Variants in GHR observed in about 807,000 individuals in gnomAD.
The protein encoded by GHR is GH receptor.
A neutral mutation model predicts 67.1 loss-of-function variants in GHR; 35 were observed. The observed-to-expected ratio is 0.52, with a 90% CI of 0.40 to 0.69. The LOEUF is 0.69. GHR is among the 30% of genes least tolerant of loss of function. GHR has a pLI of 0.00. For missense variants in GHR, 792 were observed against 764.6 expected (o/e 1.04, Z -0.42); for synonymous variants, 272 against 269.1 (o/e 1.01, Z -0.10).
At chr5:42,702,621 A>G (rs1239421510) in intron 6 of GHR, among the ~76,000 whole-genome samples, 1 of 152,050 alleles carries the variant, frequency 6.6e-6, no homozygotes, top group Admixed American at 6.6e-5. Flanking sequence ...GAAGCTTCAT[A>G]TTATTTTCCA....
intron 2 of GHR, among the ~76,000 whole-genome samples, chr5:42,616,749 G>A (rs1753175232): frequency 6.6e-6 from 1 of 151,920 alleles, no homozygotes; most frequent in Non-Finnish European, 1.5e-5. Flanking sequence ...GTCGGGCAGA[G>A]GAAAAGAAGC....
Position 42,565,216 on chromosome 5 carries a change from G to T in GHR, c.-11-648G>T, listed in dbSNP as rs572050260. On this transcript the variant is annotated intron_variant, in intron 1 of 9. Transcript: ENST00000230882. ...GGTGTTCACATTCCTGGGTCTTTCA[G>T]ATCTGTATTCCTCATGAAAATAAAA... 2.0e-3 allele frequency among the ~76,000 whole-genome samples: 307 copies of T among 152,282 alleles called. 1 individual carries two copies. The highest frequency in any genetic ancestry group is 3.5e-3 in the Non-Finnish European group (240 of 68,020).
chr5:42,480,988 G>T (rs571150491), intron 1 of GHR, among the ~76,000 whole-genome samples: 1 of 152,162 alleles, frequency 6.6e-6, no homozygotes, highest in African/African-American at 2.4e-5. Context: ...AGCCTTGATG[G>T]TCTTTACAAT....
chr5:42,620,645 T>C (rs1753394495), intron 2 of GHR, among the ~76,000 whole-genome samples: 1 of 152,194 alleles, frequency 6.6e-6, no homozygotes, highest in African/African-American at 2.4e-5. Flanking sequence ...GTAGGAATTC[T>C]TCATTTGTTG....
intron 1 of GHR, among the ~76,000 whole-genome samples, chr5:42,480,495 T>C (rs1486780190): frequency 6.6e-6 from 1 of 152,198 alleles, no homozygotes; most frequent in East Asian, 1.9e-4. Context: ...GGTGTTAAAG[T>C]CTCCCATTAT....
intron 5 of GHR, among the ~76,000 whole-genome samples, chr5:42,698,791 T>A (rs1757796782): frequency 6.6e-6 from 1 of 152,168 alleles, no homozygotes; most frequent in Non-Finnish European, 1.5e-5. Flanking sequence ...AAAGTAAATT[T>A]TACTCTGTAT....
chr5:42,458,342 T>C (rs1374746560), intron 1 of GHR, among the ~76,000 whole-genome samples: 6 of 152,118 alleles, frequency 3.9e-5, no homozygotes. Context: ...TACAACAATC[T>C]GATCTTTGAT....
At chr5:42,718,186 G>A (rs1326207097) in intron 9 of GHR, 65 bp downstream of exon 9, 2 of 881,554 alleles carry the variant, frequency 2.3e-6, no homozygotes, top group Non-Finnish European at 3.9e-6. Flanking sequence ...CCTGTCATAT[G>A]TTGAAGGTTT....
chr5:42,481,187 C>T (rs944687747), intron 1 of GHR, among the ~76,000 whole-genome samples: 1 of 152,224 alleles, frequency 6.6e-6, no homozygotes. Context: ...GTTGAAAATT[C>T]TTTTCTTTAA....
At chr5:42,426,692 C>A (rs544816689) in intron 1 of GHR, among the ~76,000 whole-genome samples, 1 of 152,068 alleles carries the variant, frequency 6.6e-6, no homozygotes, top group African/African-American at 2.4e-5. Flanking sequence ...TGATAAGAAT[C>A]GAAGTTTGGT....
intron 2 of GHR, among the ~76,000 whole-genome samples, chr5:42,612,226 G>A (rs1752926178): frequency 6.6e-6 from 1 of 152,114 alleles, no homozygotes. Flanking sequence ...CATAATAGTT[G>A]AAAATTACTG....
intron 3 of GHR, among the ~76,000 whole-genome samples, chr5:42,679,848 G>A (rs1029868126): frequency 2.6e-5 from 4 of 152,208 alleles, no homozygotes; most frequent in East Asian, 1.9e-4. Flanking sequence ...CAAAGAAGCC[G>A]TAGTTGCTGT....
chr5:42,694,040 C>T (rs988548995), intron 4 of GHR, among the ~76,000 whole-genome samples: 1 of 152,102 alleles, frequency 6.6e-6, no homozygotes, highest in African/African-American at 2.4e-5. Context: ...CCTTCCTTGC[C>T]GTATTGCCAT....
intron 2 of GHR, among the ~76,000 whole-genome samples, chr5:42,593,510 A>G (rs1561151751): frequency 6.6e-6 from 1 of 152,174 alleles, no homozygotes; most frequent in East Asian, 1.9e-4. Context: ...GCAACTGAAG[A>G]AGTATGAGGC....
chr5:42,666,380 A>C (rs948824778), intron 3 of GHR, among the ~76,000 whole-genome samples: 2 of 152,154 alleles, frequency 1.3e-5, no homozygotes, highest in African/African-American at 4.8e-5. Flanking sequence ...TCTATCTCTT[A>C]CATTATTTTT....
chr5:42,500,180 TCTC>T (rs2112227724), intron 1 of GHR, among the ~76,000 whole-genome samples: 1 of 152,316 alleles, frequency 6.6e-6, no homozygotes, highest in Non-Finnish European at 1.5e-5. Context: ...CAGCCCTTAC[TCTC>T]CTCCTTAGCT....
chr5:42,672,266 T>C (rs915797456), intron 3 of GHR, among the ~76,000 whole-genome samples: 4 of 152,160 alleles, frequency 2.6e-5, no homozygotes, highest in Admixed American at 1.3e-4. Flanking sequence ...CCAAAAAAGC[T>C]CTTGGAACTG....
intron 2 of GHR, among the ~76,000 whole-genome samples, chr5:42,601,368 A>G (rs945263237): frequency 2.0e-5 from 3 of 152,162 alleles, no homozygotes; most frequent in African/African-American, 7.2e-5. Flanking sequence ...TGTGGCTTAC[A>G]TAATTACTAG....
At chr5:42,442,857 A>G (rs143012626) in intron 1 of GHR, among the ~76,000 whole-genome samples, 37 of 152,344 alleles carry the variant, frequency 2.4e-4, no homozygotes, top group African/African-American at 8.2e-4. Context: ...CTTTTTCACA[A>G]ATCAAAGTCA....
Sources: gnomAD v4.1 joint callset for allele counts (sites outside exome capture counted in the v4.1 genomes callset) on GRCh38, gnomAD v4.1.1 for gene constraint, MANE v1.5 for transcripts, NCBI Gene and HGNC (gene_info 2026-07-23, HGNC 2026-07-21) for gene names.